Variants in CA5A observed in about 807,000 individuals in gnomAD.
CA5A encodes carbonic anhydrase 5A, mitochondrial.
A neutral mutation model predicts 37.1 loss-of-function variants in CA5A; 28 were observed. That is an observed-to-expected ratio of 0.75 (90% CI 0.56 to 1.03). The LOEUF is 1.03. Ranked by LOEUF, CA5A falls within the 50% of genes least tolerant of loss-of-function variation. The probability of loss-of-function intolerance (pLI) is 0.00; values close to 1 mark genes in which losing one functional copy is unlikely to be tolerated. For synonymous variants in CA5A, 171 were observed against 158.4 expected (o/e 1.08, Z -0.60); for missense variants, 444 against 399.9 (o/e 1.11, Z -0.94).
chr16:87,924,669 C>A (rs982197533), intron 2 of CA5A, among the ~76,000 whole-genome samples: 4 of 152,250 alleles, frequency 2.6e-5, no homozygotes, highest in African/African-American at 9.6e-5. Flanking sequence ...GCTGGGCAGA[C>A]CTCCCCGTGA....
chr16:87,921,575 G>A (rs1256390070), intron 2 of CA5A, among the ~76,000 whole-genome samples: 3 of 152,198 alleles, frequency 2.0e-5, no homozygotes, highest in African/African-American at 7.2e-5. Flanking sequence ...CAGTGACAGG[G>A]CTGTTCTGAG....
At chr16:87,893,465 G>C (rs2055754778) in intron 5 of CA5A, 1 of 545,844 alleles carries the variant, frequency 1.8e-6, no homozygotes, top group South Asian at 1.4e-5. Flanking sequence ...ACCAATGAGG[G>C]CATCCAGTAT....
intron 2 of CA5A, among the ~76,000 whole-genome samples, chr16:87,908,091 C>T (rs983308165): frequency 3.9e-5 from 6 of 152,010 alleles, no homozygotes; most frequent in South Asian, 2.1e-4. Flanking sequence ...ATTTATTCAT[C>T]GAATCACTTG....
At chr16:87,919,045 C>G (rs909802632) in intron 2 of CA5A, among the ~76,000 whole-genome samples, 4 of 152,198 alleles carry the variant, frequency 2.6e-5, no homozygotes, top group Admixed American at 2.6e-4. Flanking sequence ...TTCCATGGCC[C>G]GGGAGACACA....
At chr16:87,912,554 G>A (rs539965676) in intron 2 of CA5A, among the ~76,000 whole-genome samples, 3 of 152,212 alleles carry the variant, frequency 2.0e-5, no homozygotes, top group Admixed American at 6.5e-5. Flanking sequence ...TTTCTCCCAC[G>A]TGCCGGGCAC....
At chr16:87,888,324 G>C (rs1417657839) in intron 6 of CA5A, 52 bp from the exon 7 acceptor site, 2 of 1,538,298 alleles carry the variant, frequency 1.3e-6, no homozygotes, top group Admixed American at 3.7e-5. Context: ...GGGTGAGCCA[G>C]CCTCTGGGTG....
intron 4 of CA5A, among the ~76,000 whole-genome samples, 165 bp downstream of exon 4, chr16:87,902,260 A>C (rs1812596877): frequency 6.6e-6 from 1 of 151,998 alleles, no homozygotes; most frequent in Non-Finnish European, 1.5e-5. Context: ...AGGCTGAGGC[A>C]GGAGAATCAC....
intron 5 of CA5A, among the ~76,000 whole-genome samples, chr16:87,900,085 T>G (rs1364936676): frequency 6.6e-6 from 1 of 152,146 alleles, no homozygotes; most frequent in Non-Finnish European, 1.5e-5. Flanking sequence ...TAGAAAATTC[T>G]GACTTACCCC....
chr16:87,901,216 G>T (rs746312032), intron 5 of CA5A, among the ~76,000 whole-genome samples: 3 of 152,040 alleles, frequency 2.0e-5, no homozygotes, highest in Admixed American at 6.6e-5. Flanking sequence ...AGTGACAGAG[G>T]GAGACTCCTC....
In CA5A at chr16:87,926,865, C is replaced by T. The variant is rs369651699; in HGVS notation, c.223G>A (p.Val75Ile). ...AGTGGCTTCAGCTGGGGGTCATAGACGCTGTCCCTCCACTGGATGTTAATA... is the reference window on the plus strand; with the variant it reads ...AGTGGCTTCAGCTGGGGGTCATAGATGCTGTCCCTCCACTGGATGTTAATA... ...SPINIQWRDS[V>I]YDPQLKPLRV... Residue 75 changes from valine to isoleucine, a missense_variant, in exon 2 of 7, where the codon GTC becomes ATC. Physicochemically the swap from Val to Ile is conservative, Grantham distance 29. Coordinates refer to ENST00000649794, the MANE Select transcript of CA5A (RefSeq NM_001739.2). The T allele has an allele frequency of 4.3e-5, 70 of 1,613,030 alleles. No homozygotes were observed. Among genetic ancestry groups the T allele is most frequent in the South Asian group, 7.7e-5 (7 of 90,896 alleles).
chr16:87,932,183 C>T (rs933865472), intron 1 of CA5A, among the ~76,000 whole-genome samples: 1 of 152,110 alleles, frequency 6.6e-6, no homozygotes, highest in African/African-American at 2.4e-5. Context: ...GGATTGAGTG[C>T]ACTCTACCCC....
chr16:87,886,807 T>C (rs540447145), downstream of CA5A: 5 of 152,378 alleles, frequency 3.3e-5, no homozygotes, highest in East Asian at 7.7e-4. Flanking sequence ...ATCACAAATG[T>C]GTGGAACCTT....
chr16:87,923,702 A>G (rs1393229611), intron 2 of CA5A: 2 of 985,432 alleles, frequency 2.0e-6, no homozygotes, highest in Non-Finnish European at 2.4e-6. Flanking sequence ...ATAACAAACA[A>G]AAGTCCAAAA....
chr16:87,930,312 T>G (rs1432616654), intron 1 of CA5A, among the ~76,000 whole-genome samples: 2 of 152,178 alleles, frequency 1.3e-5, no homozygotes, highest in African/African-American at 4.8e-5. Flanking sequence ...TGGAGTCACT[T>G]TTCCAAGACA....
chr16:87,931,780 G>A (rs762815136), intron 1 of CA5A, among the ~76,000 whole-genome samples: 4 of 152,200 alleles, frequency 2.6e-5, no homozygotes, highest in African/African-American at 9.7e-5. Flanking sequence ...TGGGCCCTGC[G>A]GCATCCTGCA....
chr16:87,922,742 G>T (rs527617015), intron 2 of CA5A, among the ~76,000 whole-genome samples: 47 of 152,364 alleles, frequency 3.1e-4, no homozygotes, highest in African/African-American at 1.1e-3. Flanking sequence ...GGGTGCTGGT[G>T]CTTCCTTCTC....
chr16:87,881,850 C>G (rs549270087), exon 5 of CA5A: 1 of 152,340 alleles, frequency 6.6e-6, no homozygotes, highest in South Asian at 2.1e-4. Flanking sequence ...GGGAGTATCT[C>G]CGTGTCTCAG....
rs1246821285 is a variant in CA5A, at chr16:87,911,344, C to A, written c.341-6440G>T. Among the ~76,000 whole-genome samples, 1 of 152,176 alleles carries A rather than the reference C, an allele frequency of 6.6e-6. No homozygotes were observed. The stretch of plus-strand genomic sequence containing the variant: ...AACAGATGACGTTTGGGGCCGGCTC[C>A]AGGCTGTGACGTGCTGGCCCCAGAG... On this transcript the variant is annotated intron_variant, in intron 2 of 6. Coordinates refer to ENST00000649794, the MANE Select transcript of CA5A (RefSeq NM_001739.2). This position sits in a 1 kb window ranked among gnomAD's most constrained non-coding sequence, Gnocchi z 4.6.
chr16:87,934,175 C>T (rs553402074), intron 1 of CA5A, among the ~76,000 whole-genome samples: 2 of 152,370 alleles, frequency 1.3e-5, no homozygotes, highest in Non-Finnish European at 2.9e-5. Flanking sequence ...CTTTGCAGGC[C>T]CCACCTCGGA....
Sources: allele counts gnomAD v4.1 joint callset (sites outside exome capture counted in the v4.1 genomes callset), GRCh38; gene constraint gnomAD v4.1.1; non-coding constraint Gnocchi (gnomAD v3.1); transcripts MANE v1.5; gene names NCBI Gene and HGNC (gene_info 2026-07-23, HGNC 2026-07-21).